Variants in CALN1 observed in about 807,000 individuals in gnomAD.
CALN1 encodes the protein calcium-binding protein 8.
A neutral mutation model predicts 30.6 loss-of-function variants in CALN1; 17 were observed. That is an observed-to-expected ratio of 0.56 (90% CI 0.38 to 0.83). CALN1 has a LOEUF of 0.83. Ranked by LOEUF, CALN1 falls within the 40% of genes least tolerant of loss-of-function variation. The pLI, the probability that CALN1 is intolerant of heterozygous loss-of-function variation, is 0.00. For missense variants in CALN1, 291 were observed against 354.9 expected, an observed-to-expected ratio of 0.82 and a Z score of 1.45; for synonymous variants, 156 against 131.4, an observed-to-expected ratio of 1.19 and a Z score of -1.28.
At chr7:72,232,020 T>C (rs764000649) in intron 3 of CALN1, among the ~76,000 whole-genome samples, 1 of 152,146 alleles carries the variant, frequency 6.6e-6, no homozygotes, top group Non-Finnish European at 1.5e-5. Flanking sequence ...TGTTGGGATA[T>C]TGGATGCATA....
chr7:71,915,083 T>A (rs1794619567), intron 5 of CALN1, among the ~76,000 whole-genome samples: 1 of 152,170 alleles, frequency 6.6e-6, no homozygotes, highest in Non-Finnish European at 1.5e-5. Context: ...CACAAAGGGA[T>A]TAGTCTCTCC....
Position 72,403,426 on chromosome 7 carries a change from G to A in CALN1, c.-57C>T. The A allele has an allele frequency of 1.4e-6, 2 of 1,382,542 alleles. No individual in the cohort carries two copies. The highest frequency in any genetic ancestry group is 2.0e-6 in the Non-Finnish European group (2 of 1,013,288). The allele number at this position is 1,382,542 out of a possible 1,614,324, so 85.6% of individuals were successfully genotyped here. A position where few individuals can be genotyped will look rare whatever the true frequency, so the allele number is the denominator to read the frequency against. ...TTAGAAGCTCATCAAAGGAACGTCA[G>A]CGAAGGCACTGAGACTCTGAAAGGA... On this transcript the variant is annotated 5_prime_UTR_variant, in exon 2 of 7. Coordinates refer to ENST00000395275, the MANE Select transcript of CALN1 (RefSeq NM_031468.4).
the CALN1 span, among the ~76,000 whole-genome samples, chr7:72,491,793 T>C: frequency 1.3e-5 from 2 of 152,190 alleles, no homozygotes; most frequent in African/African-American, 4.8e-5. Flanking sequence ...TGCACTTTTA[T>C]CCTCTCATTA....
chr7:72,202,886 C>A (rs908268163), intron 3 of CALN1, among the ~76,000 whole-genome samples: 1 of 152,168 alleles, frequency 6.6e-6, no homozygotes, highest in East Asian at 1.9e-4. Flanking sequence ...GACACATGCA[C>A]ACATGTTTAT....
intron 5 of CALN1, among the ~76,000 whole-genome samples, chr7:71,858,576 G>A (rs947802598): frequency 1.3e-5 from 2 of 151,398 alleles, no homozygotes; most frequent in African/African-American, 2.4e-5. Context: ...TATGGACAGA[G>A]GACAGACAGA....
chr7:72,380,361 T>G (rs963509348), intron 2 of CALN1, among the ~76,000 whole-genome samples: 1 of 152,162 alleles, frequency 6.6e-6, no homozygotes, highest in African/African-American at 2.4e-5. Flanking sequence ...GTAGGCTGGG[T>G]GCAGTGGCTC....
At chr7:72,383,065 C>A (rs867595377) in intron 2 of CALN1, among the ~76,000 whole-genome samples, 53 of 152,318 alleles carry the variant, frequency 3.5e-4, no homozygotes, top group African/African-American at 1.2e-3. Context: ...GGATTACGGG[C>A]ATGAGCCACC....
chr7:72,081,417 G>GTGTGTGTGTC (rs145997789), intron 4 of CALN1, among the ~76,000 whole-genome samples: 3 of 146,190 alleles, frequency 2.1e-5, no homozygotes, highest in East Asian at 4.2e-4. Context: ...GTGTGTGTGT[G>GTGTGTGTGTC]TGTGTGTTTG....
Position 72,016,998 on chromosome 7 carries a change from C to CAAAAAAAAAAAAA in CALN1, c.501+6646_501+6658dup, listed in dbSNP as rs754201004. On this transcript the variant is annotated intron_variant, in intron 5 of 6. Transcript: ENST00000395275. ...CAAAACCCCGTGTTTACTAAAAATACAAAAAAAAAAAAAAAAAAAGCTGGG... is the reference window on the plus strand; with the variant it reads ...CAAAACCCCGTGTTTACTAAAAATACAAAAAAAAAAAAAAAAAAAAAAAAAAAAAAAAGCTGGG... Among the ~76,000 whole-genome samples the CAAAAAAAAAAAAA allele has an allele frequency of 5.1e-3, 163 of 31,932 alleles. 14 individuals are homozygous for CAAAAAAAAAAAAA. Among genetic ancestry groups the CAAAAAAAAAAAAA allele is most frequent in the African/African-American group, 0.012 (77 of 6,610 alleles). 20.9% of individuals were successfully genotyped at this position (31,932 alleles called of 152,430 possible).
At chr7:71,929,134 C>G (rs777283473) in intron 5 of CALN1, among the ~76,000 whole-genome samples, 1 of 152,160 alleles carries the variant, frequency 6.6e-6, no homozygotes, top group Non-Finnish European at 1.5e-5. Context: ...ATTTTTCCAA[C>G]TTTTAAGTTC....
At chr7:71,851,230 C>CAG (rs926114405) in intron 5 of CALN1, among the ~76,000 whole-genome samples, 6 of 151,176 alleles carry the variant, frequency 4.0e-5, no homozygotes, top group Non-Finnish European at 8.8e-5. Context: ...CACACACACA[C>CAG]ACACACACAC....
intron 2 of CALN1, among the ~76,000 whole-genome samples, chr7:72,364,980 G>A (rs1425090414): frequency 6.6e-6 from 1 of 151,604 alleles, no homozygotes; most frequent in Admixed American, 6.6e-5. Context: ...GATCAGCTTG[G>A]CCAACATGGT....
chr7:72,282,810 T>A (rs1460439816), intron 2 of CALN1, among the ~76,000 whole-genome samples: 1 of 152,130 alleles, frequency 6.6e-6, no homozygotes, highest in Non-Finnish European at 1.5e-5. Context: ...ACCCAGAACT[T>A]TGAGAGGTTA....
chr7:72,232,487 G>T (rs1794177927), intron 3 of CALN1, among the ~76,000 whole-genome samples: 1 of 152,136 alleles, frequency 6.6e-6, no homozygotes, highest in African/African-American at 2.4e-5. Context: ...TTGAGACGGA[G>T]TCTCACTCTG....
intron 5 of CALN1, among the ~76,000 whole-genome samples, chr7:71,862,733 A>G (rs1274315281): frequency 6.6e-6 from 1 of 152,212 alleles, no homozygotes; most frequent in Non-Finnish European, 1.5e-5. Flanking sequence ...TATCCTGACC[A>G]GGATTTAAAT....
At chr7:72,398,735 C>A (rs535577130) in intron 2 of CALN1, among the ~76,000 whole-genome samples, 1 of 152,210 alleles carries the variant, frequency 6.6e-6, no homozygotes, top group East Asian at 1.9e-4. Context: ...CTGGGGGACA[C>A]CCCATTATCC....
intron 2 of CALN1, among the ~76,000 whole-genome samples, chr7:72,320,597 G>A (rs1022882990): frequency 6.6e-6 from 1 of 152,160 alleles, no homozygotes; most frequent in Non-Finnish European, 1.5e-5. Flanking sequence ...CACTTTGGGA[G>A]GCCGCGGTGG....
chr7:72,335,466 A>G (rs776030157), intron 2 of CALN1, among the ~76,000 whole-genome samples: 12 of 152,006 alleles, frequency 7.9e-5, no homozygotes, highest in Non-Finnish European at 1.6e-4. Flanking sequence ...GGTCATCCCA[A>G]CTCTGTCGCA....
chr7:72,382,450 T>A (rs1193573437), intron 2 of CALN1, among the ~76,000 whole-genome samples: 1 of 152,238 alleles, frequency 6.6e-6, no homozygotes, highest in Non-Finnish European at 1.5e-5. Flanking sequence ...GTGACTGTTA[T>A]TAGAATTGCA....
Sources: gnomAD v4.1 joint callset for allele counts (sites outside exome capture counted in the v4.1 genomes callset) on GRCh38, gnomAD v4.1.1 for gene constraint, MANE v1.5 for transcripts, NCBI Gene and HGNC (gene_info 2026-07-23, HGNC 2026-07-21) for gene names.